Variants in GPR160 observed in about 807,000 individuals in gnomAD.
GPR160 encodes the protein probable G protein-coupled receptor 160.
In GPR160, 2 loss-of-function variants were observed where a neutral mutation model predicts 2.6. The observed-to-expected ratio is 0.77, with a 90% CI of 0.32 to 2.44. The LOEUF is 2.44. Ranked by LOEUF, GPR160 falls within the 30% of genes most tolerant of loss-of-function variation. GPR160 has a pLI of 0.11. For missense variants in GPR160, 351 were observed against 383.6 expected, an observed-to-expected ratio of 0.91 and a Z score of 0.71; for synonymous variants, 130 against 132.2, an observed-to-expected ratio of 0.98 and a Z score of 0.12.
intron 2 of GPR160, among the ~76,000 whole-genome samples, chr3:170,063,781 A>G (rs554523346): frequency 3.3e-5 from 5 of 152,138 alleles, no homozygotes; most frequent in Admixed American, 3.3e-4. Context: ...TATTTTTAAA[A>G]GATTGGGCAG....
rs868634419 is a variant in GPR160 at position 170,039,535 on chromosome 3, C to T, written c.-193+492C>T. Among the ~76,000 whole-genome samples, 81 of 152,260 alleles carry T rather than the reference C, an allele frequency of 5.3e-4. 1 individual carries two copies. Among genetic ancestry groups the T allele is most frequent in the African/African-American group, 1.9e-3 (80 of 41,556 alleles). Reference sequence around the variant, plus strand: ...ACCAGCCTGGCCAACATGGTGAAACCCTTCTCTACTAAAAATACAAAAATT... The same window carrying T: ...ACCAGCCTGGCCAACATGGTGAAACTCTTCTCTACTAAAAATACAAAAATT... On this transcript the variant is annotated intron_variant, in intron 2 of 3. Transcript: ENST00000355897.
In GPR160 at chr3:170,085,183, A is replaced by C; in HGVS notation, c.*194A>C. On this transcript the variant is annotated 3_prime_UTR_variant, in exon 4 of 4. Transcript: ENST00000355897. ...TTATTTTAAAAACAAAATAATTCCA[A>C]GAAGTTTTTATAGTTATTCAGGGAC... 2.6e-6 allele frequency: 1 copy of C among 386,000 alleles called. No homozygotes were observed. The highest frequency in any genetic ancestry group is 4.8e-6 in the Non-Finnish European group (1 of 209,868). 23.9% of individuals were successfully genotyped at this position (386,000 alleles called of 1,614,324 possible). A position where few individuals can be genotyped will look rare whatever the true frequency, so the allele number is the denominator to read the frequency against.
In GPR160 at chr3:170,078,358, C is replaced by T. The variant is rs571298416; in HGVS notation, c.-192-1416C>T. Among the ~76,000 whole-genome samples, 225 of 152,234 alleles carry T rather than the reference C, an allele frequency of 1.5e-3. 2 individuals are homozygous for T. The highest frequency in any genetic ancestry group is 5.1e-3 in the African/African-American group (211 of 41,532). The stretch of plus-strand genomic sequence containing the variant: ...CCGGGTAAAGGTGCCACAGAGGAGA[C>T]AGAGGTTTTCCCTGAGCCCCCTCCC... On this transcript the variant is annotated intron_variant, in intron 2 of 3. Coordinates refer to ENST00000355897, the MANE Select transcript of GPR160 (RefSeq NM_014373.3).
intron 2 of GPR160, among the ~76,000 whole-genome samples, chr3:170,044,472 A>T (rs889767710): frequency 3.3e-5 from 5 of 152,060 alleles, no homozygotes; most frequent in African/African-American, 1.2e-4. Flanking sequence ...TTTCTCACTT[A>T]TAAGGAACTT....
At position 170,085,174 on chromosome 3, in the gene GPR160, A is replaced by G. The variant is rs1713369283; in HGVS notation, c.*185A>G. On this transcript the variant is annotated 3_prime_UTR_variant, in exon 4 of 4. Coordinates refer to ENST00000355897, the MANE Select transcript of GPR160 (RefSeq NM_014373.3). ...AATAGTGTTTTATTTTAAAAACAAA[A>G]TAATTCCAAGAAGTTTTTATAGTTA... 2.5e-6 allele frequency: 1 copy of G among 399,212 alleles called. No homozygotes were observed. The highest frequency in any genetic ancestry group is 4.6e-6 in the Non-Finnish European group (1 of 217,930). 24.7% of individuals were successfully genotyped at this position (399,212 alleles called of 1,614,324 possible). A position where few individuals can be genotyped will look rare whatever the true frequency, so the allele number is the denominator to read the frequency against.
intron 2 of GPR160, among the ~76,000 whole-genome samples, chr3:170,042,683 AAATAAT>A (rs1056320115): frequency 1.3e-5 from 2 of 148,406 alleles, no homozygotes; most frequent in East Asian, 1.9e-4. Flanking sequence ...AAAAATAAAT[AAATAAT>A]AATAATAATA....
chr3:170,079,048 G>A (rs1413129967), intron 2 of GPR160, among the ~76,000 whole-genome samples: 5 of 152,188 alleles, frequency 3.3e-5, no homozygotes, highest in South Asian at 4.1e-4. Context: ...TTGATCATCC[G>A]CATGCATTAC....
chr3:170,083,798 T>C (rs1713262215), intron 3 of GPR160, 107 bp from the exon 4 acceptor site: 2 of 428,114 alleles, frequency 4.7e-6, no homozygotes, highest in Non-Finnish European at 4.1e-6. Flanking sequence ...CTTATTCATA[T>C]ATTTATTTGG....
At chr3:170,063,843 G>T (rs1337981053) in intron 2 of GPR160, among the ~76,000 whole-genome samples, 1 of 152,152 alleles carries the variant, frequency 6.6e-6, no homozygotes, top group Non-Finnish European at 1.5e-5. Context: ...TCGTGGCCCT[G>T]AGCGCGGGCC....
At chr3:170,045,447 A>AAAAAAT in intron 2 of GPR160, among the ~76,000 whole-genome samples, 1 of 117,352 alleles carries the variant, frequency 8.5e-6, no homozygotes, top group East Asian at 2.6e-4. Context: ...AAAAAAAAAA[A>AAAAAAT]CCAATTAGCC....
Position 170,042,673 on chromosome 3 carries a change from A to T in GPR160, c.-193+3630A>T, listed in dbSNP as rs182736594. On this transcript the variant is annotated intron_variant, in intron 2 of 3. Transcript: ENST00000355897. ...TGAGGCCCCCATCTCTACAAAAAAA[A>T]AAAATAAATAAATAATAATAATAAT... is the stretch of plus-strand genomic sequence containing the variant. 5.1e-3 allele frequency among the ~76,000 whole-genome samples: 746 copies of T among 146,540 alleles called. 6 individuals are homozygous for T. Among genetic ancestry groups the T allele is most frequent in the African/African-American group, 0.018 (705 of 39,032 alleles).
intron 2 of GPR160, among the ~76,000 whole-genome samples, chr3:170,058,937 G>A (rs934647469): frequency 3.3e-5 from 5 of 152,012 alleles, no homozygotes; most frequent in African/African-American, 1.2e-4. Context: ...GTTTTAAGGG[G>A]CAATAAAGAG....
In GPR160 at chr3:170,059,849, C is replaced by T. The variant is rs9872829; in HGVS notation, c.-192-19925C>T. Among the ~76,000 whole-genome samples the T allele has an allele frequency of 6.3e-3, 960 of 152,214 alleles. 8 individuals are homozygous for T. The highest frequency in any genetic ancestry group is 0.022 in the African/African-American group (920 of 41,518). Reference sequence around the variant, plus strand: ...GATGCTTTTCTTCCCCCCACTCCCCCCTCTAGCAGGCCCAAGTGTGTGGTG... The same window carrying T: ...GATGCTTTTCTTCCCCCCACTCCCCTCTCTAGCAGGCCCAAGTGTGTGGTG... On this transcript the variant is annotated intron_variant, in intron 2 of 3. Transcript: ENST00000355897.
intron 2 of GPR160, among the ~76,000 whole-genome samples, chr3:170,065,342 G>A (rs1469418799): frequency 6.6e-6 from 1 of 151,760 alleles, no homozygotes; most frequent in African/African-American, 2.4e-5. Context: ...AAAGATATTT[G>A]GAATTTCCAC....
chr3:170,068,591 A>C (rs369962087), intron 2 of GPR160, among the ~76,000 whole-genome samples: 1 of 152,158 alleles, frequency 6.6e-6, no homozygotes, highest in Non-Finnish European at 1.5e-5. Context: ...TTTTCTAGGA[A>C]ATTTCCCAAA....
chr3:170,074,107 T>C (rs1404344032), intron 2 of GPR160, among the ~76,000 whole-genome samples: 1 of 152,128 alleles, frequency 6.6e-6, no homozygotes, highest in Non-Finnish European at 1.5e-5. Flanking sequence ...CAGGATGGGC[T>C]TGAACTCCTG....
At position 170,064,514 on chromosome 3, in the gene GPR160, C is replaced by CTTTT. The variant is rs1175382810; in HGVS notation, c.-192-15241_-192-15238dup. Among the ~76,000 whole-genome samples, 200 of 80,976 alleles carry CTTTT rather than the reference C, an allele frequency of 2.5e-3. 2 individuals carry two copies. Among genetic ancestry groups the CTTTT allele is most frequent in the Non-Finnish European group, 3.0e-3 (120 of 40,104 alleles). The allele number at this position is 80,976 out of a possible 152,430, so 53.1% of individuals were successfully genotyped here. Reference sequence around the variant, plus strand: ...GGGACCCATTCTTTTCTTTTCTTTTCTTTTTTTTTTTTTTTTTTTTTTGAG... The same window carrying CTTTT: ...GGGACCCATTCTTTTCTTTTCTTTTCTTTTTTTTTTTTTTTTTTTTTTTTTTGAG... On this transcript the variant is annotated intron_variant, in intron 2 of 3. Coordinates refer to ENST00000355897, the MANE Select transcript of GPR160 (RefSeq NM_014373.3).
chr3:170,080,684 C>T (rs1576915996), intron 3 of GPR160, among the ~76,000 whole-genome samples: 1 of 152,290 alleles, frequency 6.6e-6, no homozygotes, highest in South Asian at 2.1e-4. Flanking sequence ...ACTTGGAAAA[C>T]ATCCCTTGGA....
chr3:170,043,318 A>C (rs1716543612), intron 2 of GPR160, among the ~76,000 whole-genome samples: 2 of 152,062 alleles, frequency 1.3e-5, no homozygotes, highest in African/African-American at 4.8e-5. Context: ...CGTAGCTGGG[A>C]TTACAGGTGC....
Sources: gnomAD v4.1 joint callset for allele counts (sites outside exome capture counted in the v4.1 genomes callset) on GRCh38, gnomAD v4.1.1 for gene constraint, MANE v1.5 for transcripts, NCBI Gene and HGNC (gene_info 2026-07-23, HGNC 2026-07-21) for gene names.